UBE2D3: variants seen among roughly 807,000 people sequenced by gnomAD.
UBE2D3 encodes ubiquitin conjugating enzyme E2 D3.
In UBE2D3, 2 loss-of-function variants were observed where a neutral mutation model predicts 22.8. The observed-to-expected ratio is 0.09, with a 90% CI of 0.04 to 0.28. The LOEUF (loss-of-function observed/expected upper bound fraction) is 0.28. Ranked by LOEUF, UBE2D3 falls within the 10% of genes least tolerant of loss-of-function variation. The pLI is 1.00. For synonymous variants in UBE2D3, 56 were observed against 60.4 expected (o/e 0.93, Z 0.34); for missense variants, 27 against 182.5 (o/e 0.15, Z 4.91).
chr4:102,868,895 C>G, upstream of UBE2D3: 3 of 1,466,960 alleles, frequency 2.0e-6, no homozygotes, highest in Middle Eastern at 2.3e-4. Flanking sequence ...CAGTCCGCCG[C>G]GAGCGTACGT....
intron 4 of UBE2D3, among the ~76,000 whole-genome samples, chr4:102,807,625 AT>A (rs1277269592): frequency 6.6e-6 from 1 of 152,224 alleles, no homozygotes; most frequent in African/African-American, 2.4e-5. Flanking sequence ...TAGTCATTAT[AT>A]TAAAAGGTTG....
chr4:102,822,947 A>AC (rs1381640507), intron 2 of UBE2D3, among the ~76,000 whole-genome samples: 23 of 152,146 alleles, frequency 1.5e-4, no homozygotes, highest in South Asian at 2.1e-4. Flanking sequence ...AACAACAACA[A>AC]AAAAAGGAAT....
At chr4:102,802,723 A>G (rs1184430523) in intron 4 of UBE2D3, 85 bp from the exon 5 acceptor site, 1 of 1,070,712 alleles carries the variant, frequency 9.3e-7, no homozygotes, top group Non-Finnish European at 1.3e-6. Flanking sequence ...CATTTCTCTA[A>G]TAATGAACCC....
chr4:102,840,363 T>C (rs1214691682), intron 1 of UBE2D3, among the ~76,000 whole-genome samples: 1 of 152,234 alleles, frequency 6.6e-6, no homozygotes, highest in Non-Finnish European at 1.5e-5. Flanking sequence ...GTGTTACCTA[T>C]GCACAATGAA....
intron 1 of UBE2D3, among the ~76,000 whole-genome samples, chr4:102,833,857 T>C (rs1731244680): frequency 6.6e-6 from 1 of 152,184 alleles, no homozygotes; most frequent in African/African-American, 2.4e-5. Context: ...ATTACACCTA[T>C]GAGAAAATGC....
chr4:102,830,198 CATT>C (rs935507213), upstream of UBE2D3, among the ~76,000 whole-genome samples: 4 of 152,148 alleles, frequency 2.6e-5, no homozygotes, highest in Non-Finnish European at 2.9e-5. Flanking sequence ...AATTTTAAAA[CATT>C]ATTCATGTAC....
chr4:102,814,240 T>C (rs547677284), intron 2 of UBE2D3, among the ~76,000 whole-genome samples: 1 of 151,920 alleles, frequency 6.6e-6, no homozygotes, highest in African/African-American at 2.4e-5. Context: ...ACCAAATCAG[T>C]ATTTCAGAAG....
chr4:102,833,635 C>T (rs1731231124), intron 1 of UBE2D3, among the ~76,000 whole-genome samples: 1 of 152,136 alleles, frequency 6.6e-6, no homozygotes, highest in African/African-American at 2.4e-5. Context: ...TGAGTTTGAC[C>T]TTGTGACTTT....
intron 4 of UBE2D3, among the ~76,000 whole-genome samples, chr4:102,805,511 T>TA (rs1726889982): frequency 6.6e-6 from 1 of 150,530 alleles, no homozygotes; most frequent in South Asian, 2.1e-4. Flanking sequence ...TTTTTTTTTT[T>TA]AAAGTGGTGC....
At chr4:102,856,358 C>T (rs746537428) in intron 1 of UBE2D3, among the ~76,000 whole-genome samples, 5 of 152,054 alleles carry the variant, frequency 3.3e-5, no homozygotes, top group Non-Finnish European at 7.4e-5. Flanking sequence ...CAGAGCAAGA[C>T]GGTCTCAAAA....
chr4:102,856,020 A>C (rs1402078723), intron 1 of UBE2D3, among the ~76,000 whole-genome samples: 1 of 152,206 alleles, frequency 6.6e-6, no homozygotes, highest in African/African-American at 2.4e-5. Context: ...AAGAGTGAAC[A>C]AGAAACCATA....
intron 1 of UBE2D3, among the ~76,000 whole-genome samples, chr4:102,849,888 C>A (rs1732253685): frequency 6.6e-6 from 1 of 152,006 alleles, no homozygotes; most frequent in Non-Finnish European, 1.5e-5. Flanking sequence ...GGAAAACTGT[C>A]ATTCTTTACA....
chr4:102,802,097 A>T (rs1726243148), intron 5 of UBE2D3: 1 of 154,336 alleles, frequency 6.5e-6, no homozygotes, highest in Non-Finnish European at 1.4e-5. Flanking sequence ...AATTTATGTT[A>T]ATGACTGAAA....
intron 1 of UBE2D3, among the ~76,000 whole-genome samples, chr4:102,853,183 C>A (rs1355343820): frequency 8.1e-6 from 1 of 122,912 alleles, no homozygotes; most frequent in Non-Finnish European, 1.6e-5. Context: ...CGCTCTGTCG[C>A]CCAGGCTGGA....
intron 2 of UBE2D3, among the ~76,000 whole-genome samples, chr4:102,817,508 G>A (rs1728941620): frequency 6.6e-6 from 1 of 152,096 alleles, no homozygotes; most frequent in Admixed American, 6.6e-5. Context: ...TGAACTAAGT[G>A]TACCTACTAA....
chr4:102,847,906 A>T (rs1732121806), intron 1 of UBE2D3, among the ~76,000 whole-genome samples: 1 of 152,108 alleles, frequency 6.6e-6, no homozygotes, highest in African/African-American at 2.4e-5. Context: ...GTAGCCTCCC[A>T]AATAGGGGAC....
rs781440005 is a variant in UBE2D3 at position 102,799,365 on chromosome 4, TTAAG to T, written c.398+38_398+41del. 7 of 1,536,162 alleles carry T rather than the reference TTAAG, an allele frequency of 4.6e-6. No homozygotes were observed. The East Asian group carries it at 1.6e-4, about 35-fold the overall frequency. On this transcript the variant is annotated intron_variant, in intron 7 of 7. Coordinates refer to ENST00000453744, the MANE Select transcript of UBE2D3 (RefSeq NM_181891.3). ...ACAAGCAAAGTATAAGCCTAACTCA[TTAAG>T]TAAAACCACTTTTATAATAACTTTT...
chr4:102,821,777 C>T (rs1250974026), intron 2 of UBE2D3, among the ~76,000 whole-genome samples: 1 of 152,124 alleles, frequency 6.6e-6, no homozygotes, highest in Non-Finnish European at 1.5e-5. Flanking sequence ...AATATATACA[C>T]CAACTATGTA....
At chr4:102,803,832 G>A (rs1272546723) in intron 4 of UBE2D3, among the ~76,000 whole-genome samples, 7 of 152,142 alleles carry the variant, frequency 4.6e-5, no homozygotes, top group East Asian at 1.9e-4. Context: ...GCAGTGGCAC[G>A]ATCTCAGCTC....
Sources: allele counts gnomAD v4.1 joint callset (sites outside exome capture counted in the v4.1 genomes callset), GRCh38; gene constraint gnomAD v4.1.1; transcripts MANE v1.5; gene names NCBI Gene and HGNC (gene_info 2026-07-23, HGNC 2026-07-21).